ARHGEF40: variants seen among roughly 807,000 people sequenced by gnomAD.
The protein encoded by ARHGEF40 is Rho guanine nucleotide exchange factor 40.
Under a neutral mutation model 165.9 loss-of-function variants are expected in ARHGEF40, and 98 were observed. That is an observed-to-expected ratio of 0.59 (90% CI 0.50 to 0.70). The LOEUF is 0.70. Among genes scored for constraint, ARHGEF40 ranks in the 30% least tolerant of loss-of-function variants. ARHGEF40 has a pLI of 0.00. For missense variants in ARHGEF40, 1,815 were observed against 1,968.0 expected (o/e 0.92, Z 1.47); for synonymous variants, 792 against 814.3 (o/e 0.97, Z 0.47).
chr14:21,087,863 C>G, intron 21 of ARHGEF40, 105 bp from the exon 22 acceptor site: 1 of 1,502,934 alleles, frequency 6.7e-7, no homozygotes, highest in Non-Finnish European at 9.1e-7. Flanking sequence ...TGACTCACAG[C>G]TTCCTGTTGC....
chr14:21,080,335 T>C (rs140745605), intron 11 of ARHGEF40, among the ~76,000 whole-genome samples: 82 of 152,206 alleles, frequency 5.4e-4, no homozygotes, highest in African/African-American at 1.6e-3. Context: ...CAGTCATCCC[T>C]ATGACCCTCA....
intron 9 of ARHGEF40, 33 bp from the exon 10 acceptor site, chr14:21,078,340 G>A (rs758339023): frequency 3.1e-6 from 5 of 1,596,800 alleles, no homozygotes; most frequent in Non-Finnish European, 4.3e-6. Context: ...CTCTCTGGTG[G>A]AACCCCAACT....
Position 21,084,055 on chromosome 14 carries a change from G to T in ARHGEF40, c.3789+5G>T, listed in dbSNP as rs1888152738. 1 of 1,599,702 alleles carries T rather than the reference G, an allele frequency of 6.3e-7. No homozygotes were observed. ...GAGGCGGTGCGTGGCTGTGAGGTGA[G>T]GCCCTAGCTCCAGTCACTGCTGCTC... On this transcript the variant is annotated splice_donor_5th_base_variant and intron_variant, in intron 17 of 23. Coordinates refer to ENST00000298694, the MANE Select transcript of ARHGEF40 (RefSeq NM_018071.5).
At chr14:21,065,874 G>A (rs931119998), upstream of ARHGEF40, among the ~76,000 whole-genome samples, 7 of 152,190 alleles carry the variant, frequency 4.6e-5, no homozygotes, top group East Asian at 3.9e-4. Context: ...CAAGGTGGGC[G>A]GATCACCTGA....
chr14:21,073,001 T>A lies in ARHGEF40; in HGVS notation c.4-44T>A. The A allele has an allele frequency of 6.3e-7, 1 of 1,579,036 alleles. No homozygotes were observed. Among genetic ancestry groups the A allele is most frequent in the Non-Finnish European group, 8.7e-7 (1 of 1,152,414 alleles). On this transcript the variant is annotated intron_variant, in intron 1 of 23. Coordinates refer to ENST00000298694, the MANE Select transcript of ARHGEF40 (RefSeq NM_018071.5). The surrounding 1 kb of genome is among the most constrained non-coding windows in gnomAD (Gnocchi z 4.6). ...CAGTGCAGCTCCCAAGGAGCCATGA[T>A]TGGGTGATCTCTAGGGATCTGTAGC...
rs367600481 is a variant in ARHGEF40, at chr14:21,073,547, C to A, written c.201+305C>A. On this transcript the variant is annotated intron_variant, in intron 2 of 23. Transcript: ENST00000298694. This position sits in a 1 kb window ranked among gnomAD's most constrained non-coding sequence, Gnocchi z 4.6. The stretch of plus-strand genomic sequence containing the variant: ...ACCCAATTCCAGACATCTTCTCCCC[C>A]TCATATGAATTTCTCAAGACACTAA... Among the ~76,000 whole-genome samples the A allele has an allele frequency of 6.6e-6, 1 of 152,126 alleles. No homozygotes were observed. The highest frequency in any genetic ancestry group is 2.4e-5 in the African/African-American group (1 of 41,390).
In ARHGEF40 at chr14:21,078,388, C is replaced by T. The variant is rs748262068; in HGVS notation, c.2146C>T (p.Pro716Ser). ...CTATCCCCAGGAGGCAGTGGGAATG[C>T]CCAAGCCACTGCAGAAGGTGCTGGC... Reference protein sequence around the residue: ...EPEEEEAVGMPKPLQKVLADP... With the variant: ...EPEEEEAVGMSKPLQKVLADP... The change falls in exon 10 of 24, where the codon CCC (proline) becomes TCC (serine). Residue 716 changes from proline to serine, a missense_variant. Physicochemically the swap from Pro to Ser is moderately conservative, Grantham distance 74. Transcript: ENST00000298694. The T allele has an allele frequency of 6.2e-6, 10 of 1,607,896 alleles. No homozygotes were observed. The South Asian group carries it at 7.8e-5, about 13-fold the overall frequency.
chr14:21,087,420 C>T lies in ARHGEF40; in HGVS notation c.4344C>T (p.Val1448=), dbSNP rs763210139. ...SPGACSLPAR[V]EEEAWDLDVK... ...GAGCCTGCTCCCTGCCTGCCCGCGT[C>T]GAGGAGGAGGCCTGGGATCTGGACG... Residue 1448 remains valine (V), a synonymous_variant, in exon 21 of 24, where the codon GTC becomes GTT. Transcript: ENST00000298694. 1.7e-5 allele frequency: 28 copies of T among 1,601,356 alleles called. No individual in the cohort carries two copies. The highest frequency in any genetic ancestry group is 5.3e-5 in the African/African-American group (4 of 74,926).
chr14:21,070,017 T>C (rs918816071), upstream of ARHGEF40, among the ~76,000 whole-genome samples: 3 of 152,114 alleles, frequency 2.0e-5, no homozygotes, highest in African/African-American at 7.2e-5. This position sits in a 1 kb window ranked among gnomAD's most constrained non-coding sequence, Gnocchi z 4.7. Flanking sequence ...CATCCTCGGC[T>C]GGGCGGGCCT....
At position 21,073,331 on chromosome 14, in the gene ARHGEF40, C is replaced by T. The variant is rs1220854573; in HGVS notation, c.201+89C>T. The T allele has an allele frequency of 7.4e-7, 1 of 1,358,038 alleles. No homozygotes were observed. Among genetic ancestry groups the T allele is most frequent in the African/African-American group, 1.4e-5 (1 of 69,176 alleles). The allele number at this position is 1,358,038 out of a possible 1,614,324, so 84.1% of individuals were successfully genotyped here. A position where few individuals can be genotyped will look rare whatever the true frequency, so the allele number is the denominator to read the frequency against. On this transcript the variant is annotated intron_variant, in intron 2 of 23. Transcript: ENST00000298694. The surrounding 1 kb of genome is among the most constrained non-coding windows in gnomAD (Gnocchi z 4.6). ...CCAGGCTGACTAATGCCCCCACTAA[C>T]CTAGAGATACAGCCTCCCTTGAAAC...
chr14:21,070,986 T>A lies in ARHGEF40; in HGVS notation c.3+587T>A. The A allele has an allele frequency of 1.2e-6, 1 of 860,758 alleles. No individual in the cohort carries two copies. The highest frequency in any genetic ancestry group is 1.8e-6 in the Non-Finnish European group (1 of 550,756). The allele number at this position is 860,758 out of a possible 1,614,324, so 53.3% of individuals were successfully genotyped here. On this transcript the variant is annotated intron_variant, in intron 1 of 23. Coordinates refer to ENST00000298694, the MANE Select transcript of ARHGEF40 (RefSeq NM_018071.5). The surrounding 1 kb of genome is among the most constrained non-coding windows in gnomAD (Gnocchi z 4.7). The stretch of plus-strand genomic sequence containing the variant: ...GAGAAAAAGAGCTGCCTCAGGATAG[T>A]TGGGGGTGCTTGGGGGGGAGCTCAC...
chr14:21,087,171 G>A (rs1888411141), intron 20 of ARHGEF40, 66 bp downstream of exon 20: 1 of 1,592,498 alleles, frequency 6.3e-7, no homozygotes, highest in Non-Finnish European at 8.6e-7. Flanking sequence ...GATACAAAGG[G>A]GAGGTATGGT....
chr14:21,085,818 A>G lies in ARHGEF40; in HGVS notation c.4090A>G (p.Thr1364Ala). 1 of 1,614,162 alleles carries G rather than the reference A, an allele frequency of 6.2e-7. No individual in the cohort carries two copies. Among genetic ancestry groups the G allele is most frequent in the Non-Finnish European group, 8.5e-7 (1 of 1,180,026 alleles). Reference protein sequence around the residue: ...ATSPEIKLKWTSSIAQLLWRQ... With the variant: ...ATSPEIKLKWASSIAQLLWRQ... ...CTCACCAGAGATCAAACTCAAGTGG[A>G]CAAGTTCTATTGCCCAGCTGCTGTG... is the stretch of plus-strand genomic sequence containing the variant. Residue 1364 changes from threonine to alanine, a missense_variant, in exon 19 of 24, where the codon ACA (threonine) becomes GCA (alanine). Coordinates refer to ENST00000298694, the MANE Select transcript of ARHGEF40 (RefSeq NM_018071.5).
chr14:21,089,055 C>A lies in ARHGEF40; in HGVS notation c.*47C>A, dbSNP rs919313912. 3.4e-6 allele frequency: 2 copies of A among 592,820 alleles called. No homozygotes were observed. The highest frequency in any genetic ancestry group is 1.9e-5 in the African/African-American group (1 of 52,910). The allele number at this position is 592,820 out of a possible 1,614,324, so 36.7% of individuals were successfully genotyped here. ...GCGTGCAGCTTCTCCTCTCAGCACA[C>A]TTTGGGCTGGGATGGCAGTGGGGCA... is the stretch of plus-strand genomic sequence containing the variant. On this transcript the variant is annotated 3_prime_UTR_variant, in exon 24 of 24. Coordinates refer to ENST00000298694, the MANE Select transcript of ARHGEF40 (RefSeq NM_018071.5).
intron 19 of ARHGEF40, 78 bp downstream of exon 19, chr14:21,085,944 C>T (rs1888302536): frequency 7.4e-6 from 11 of 1,485,088 alleles, no homozygotes; most frequent in Non-Finnish European, 1.0e-5. Flanking sequence ...GTGCGAACTG[C>T]TTGGGAAAAC....
At position 21,074,856 on chromosome 14, in the gene ARHGEF40, G is replaced by A. The variant is rs555879231; in HGVS notation, c.1126G>A (p.Gly376Ser). ...EGPPGTPRRTGKGNRRKKRAA... is the reference protein window; with the variant it reads ...EGPPGTPRRTSKGNRRKKRAA... ...ACCACCTGGTACCCCTCGGAGAACA[G>A]GCAAAGGAAACAGAAGAAAGAAGCG... Residue 376 changes from glycine (G) to serine (S), a missense_variant, in exon 3 of 24, where the codon GGC (glycine) becomes AGC (serine). Coordinates refer to ENST00000298694, the MANE Select transcript of ARHGEF40 (RefSeq NM_018071.5). This position sits in a 1 kb window ranked among gnomAD's most constrained non-coding sequence, Gnocchi z 4.8. 1 of 1,610,662 alleles carries A rather than the reference G, an allele frequency of 6.2e-7. No individual in the cohort carries two copies. The highest frequency in any genetic ancestry group is 1.3e-5 in the African/African-American group (1 of 74,864).
In ARHGEF40 at chr14:21,080,770, C is replaced by A; in HGVS notation, c.2484C>A (p.Ser828Arg). ...QETELRFRAF[S>R]AEVQERLAQA... ...CAGAGCTGCGATTCCGTGCTTTCAG[C>A]GCTGAGGTCCAGGTGAGAAGGGGCT... The change falls in exon 12 of 24, where the codon AGC (serine) becomes AGA (arginine). Residue 828 changes from serine to arginine, a missense_variant. Ser to Arg is a moderately radical substitution (Grantham distance 110, BLOSUM62 -1). Transcript: ENST00000298694. The A allele has an allele frequency of 6.2e-7, 1 of 1,606,752 alleles. No homozygotes were observed. The highest frequency in any genetic ancestry group is 8.5e-7 in the Non-Finnish European group (1 of 1,175,562).
rs756975782 is a variant in ARHGEF40 at position 21,075,629 on chromosome 14, C to T, written c.1619-16C>T. On this transcript the variant is annotated splice_polypyrimidine_tract_variant and intron_variant, in intron 4 of 23. Coordinates refer to ENST00000298694, the MANE Select transcript of ARHGEF40 (RefSeq NM_018071.5). This position sits in a 1 kb window ranked among gnomAD's most constrained non-coding sequence, Gnocchi z 4.5. ...CTGCTCCCAGCCAGGACAGCCTGGC[C>T]ATTTTGTGTCTTCAGGAGGGGTGGA... 3 of 1,613,954 alleles carry T rather than the reference C, an allele frequency of 1.9e-6. No individual in the cohort carries two copies. Among genetic ancestry groups the T allele is most frequent in the Non-Finnish European group, 2.5e-6 (3 of 1,180,014 alleles).
the ARHGEF40 span, among the ~76,000 whole-genome samples, chr14:21,062,714 T>TGA: frequency 6.7e-6 from 1 of 148,882 alleles, no homozygotes; most frequent in East Asian, 2.0e-4. Context: ...GCACAGTGTG[T>TGA]GTGTGTGTGT....
Sources: gnomAD v4.1 joint callset for allele counts (sites outside exome capture counted in the v4.1 genomes callset) on GRCh38, gnomAD v4.1.1 for gene constraint, Gnocchi (gnomAD v3.1) non-coding constraint, MANE v1.5 for transcripts, NCBI Gene and HGNC (gene_info 2026-07-23, HGNC 2026-07-21) for gene names.